RIPOR2: variants seen among roughly 807,000 people sequenced by gnomAD.
RIPOR2 encodes the protein RHO family interacting cell polarization regulator 2, also known as rho family-interacting cell polarization regulator 2.
RIPOR2 carries 39 observed loss-of-function variants against 114.5 expected under a neutral mutation model. That is an observed-to-expected ratio of 0.34 (90% confidence interval 0.26 to 0.44). RIPOR2 has a LOEUF of 0.44. Among genes scored for constraint, RIPOR2 ranks in the 20% least tolerant of loss-of-function variants. The pLI, the probability that RIPOR2 is intolerant of heterozygous loss-of-function variation, is 1.00. For synonymous variants in RIPOR2, 445 were observed against 484.4 expected, an observed-to-expected ratio of 0.92 and a Z score of 1.07; for missense variants, 1,007 against 1,255.1, an observed-to-expected ratio of 0.80 and a Z score of 2.99.
At chr6:24,847,671 T>G in intron 12 of RIPOR2, 2 of 1,551,214 alleles carry the variant, frequency 1.3e-6, no homozygotes, top group South Asian at 2.4e-5. Flanking sequence ...TGGGCTTGTC[T>G]GGGGAAGGAT....
chr6:24,999,558 C>CA (rs1325382853), intron 1 of RIPOR2, among the ~76,000 whole-genome samples: 2 of 137,696 alleles, frequency 1.5e-5, no homozygotes, highest in Non-Finnish European at 3.1e-5. Flanking sequence ...CTGACTCATC[C>CA]TTTTTTTTTT....
chr6:24,932,238 A>G (rs1266822389), intron 1 of RIPOR2, among the ~76,000 whole-genome samples: 2 of 152,148 alleles, frequency 1.3e-5, no homozygotes, highest in Admixed American at 1.3e-4. Context: ...TCATTTCTCC[A>G]GGAAAGATTA....
intron 14 of RIPOR2, among the ~76,000 whole-genome samples, chr6:24,837,802 T>A (rs760952546): frequency 1.3e-5 from 2 of 151,040 alleles, no homozygotes; most frequent in African/African-American, 2.4e-5. Context: ...GTTCTCATGT[T>A]TTTTTTTTTC....
chr6:24,868,295 A>C (rs1485472637), intron 6 of RIPOR2, among the ~76,000 whole-genome samples: 1 of 152,182 alleles, frequency 6.6e-6, no homozygotes, highest in East Asian at 1.9e-4. Context: ...ATGACATAGC[A>C]AGTGAGTAGG....
chr6:24,996,909 AGGC>A (rs1407755898), intron 1 of RIPOR2, among the ~76,000 whole-genome samples: 1 of 152,252 alleles, frequency 6.6e-6, no homozygotes, highest in Non-Finnish European at 1.5e-5. Flanking sequence ...GACAACTCAC[AGGC>A]GGTACAGAAC....
At chr6:25,023,197 C>T (rs1776416324) in intron 1 of RIPOR2, 1 of 627,536 alleles carries the variant, frequency 1.6e-6, no homozygotes, top group African/African-American at 1.8e-5. Context: ...AGCGCCTGTA[C>T]TTGGGGGATC....
chr6:24,935,983 C>T, upstream of RIPOR2: 5 of 1,043,804 alleles, frequency 4.8e-6, no homozygotes, highest in Non-Finnish European at 7.1e-6. Context: ...GATTTCCTTT[C>T]CTTGGGTTGC....
In RIPOR2 at chr6:24,835,884, G is replaced by C; in HGVS notation, c.2040-13C>G. Reference sequence around the variant, plus strand: ...AACCGACCTGTAACTATTGAAGGTGGGCAAAACATTAGCTATTCTTTTTCT... The same window carrying C: ...AACCGACCTGTAACTATTGAAGGTGCGCAAAACATTAGCTATTCTTTTTCT... On this transcript the variant is annotated splice_polypyrimidine_tract_variant and intron_variant, in intron 14 of 21. Coordinates refer to ENST00000643898, the MANE Select transcript of RIPOR2 (RefSeq NM_001286445.3). 6.4e-7 allele frequency: 1 copy of C among 1,550,964 alleles called. No homozygotes were observed. Among genetic ancestry groups the C allele is most frequent in the Non-Finnish European group, 8.7e-7 (1 of 1,146,698 alleles).
intron 1 of RIPOR2, among the ~76,000 whole-genome samples, chr6:25,018,317 A>G (rs1475337012): frequency 6.6e-6 from 1 of 152,240 alleles, no homozygotes; most frequent in African/African-American, 2.4e-5. Flanking sequence ...ACATAAAGAA[A>G]ATGTTTTAAA....
intron 1 of RIPOR2, among the ~76,000 whole-genome samples, chr6:24,877,748 A>G (rs1160589418): frequency 6.6e-6 from 1 of 152,210 alleles, no homozygotes; most frequent in East Asian, 1.9e-4. Context: ...CCACACTTGG[A>G]CAGGGGAGGG....
chr6:24,895,363 T>C (rs932491208), intron 1 of RIPOR2, among the ~76,000 whole-genome samples: 2 of 152,046 alleles, frequency 1.3e-5, no homozygotes, highest in Non-Finnish European at 2.9e-5. Flanking sequence ...GGGAGCTTTT[T>C]AAAAATGTCA....
chr6:24,896,450 A>C (rs1767896331), intron 1 of RIPOR2, among the ~76,000 whole-genome samples: 2 of 152,206 alleles, frequency 1.3e-5, no homozygotes, highest in Non-Finnish European at 2.9e-5. Flanking sequence ...TAGAGGAAAA[A>C]AAACTTCAAA....
intron 1 of RIPOR2, among the ~76,000 whole-genome samples, chr6:25,025,052 C>A (rs765162214): frequency 2.6e-5 from 4 of 152,144 alleles, no homozygotes; most frequent in Non-Finnish European, 5.9e-5. Flanking sequence ...CCCAGTTTAA[C>A]TTCAAATATT....
rs1491374316 is a variant in RIPOR2 at position 25,005,740 on chromosome 6, T to TATATATAC, written c.76+36110_76+36111insGTATATAT. ...ATATATATATATATATATATATATA[T>TATATATAC]ACATTTACCGATCAAAAGATATGCC... On this transcript the variant is annotated intron_variant, in intron 1 of 13. Coordinates refer to the RIPOR2 transcript ENST00000510784. 2.2e-3 allele frequency among the ~76,000 whole-genome samples: 225 copies of TATATATAC among 104,500 alleles called. 15 individuals are homozygous for TATATATAC. Among genetic ancestry groups the TATATATAC allele is most frequent in the East Asian group, 0.01 (27 of 2,606 alleles). 68.6% of individuals were successfully genotyped at this position (104,500 alleles called of 152,430 possible).
intron 1 of RIPOR2, among the ~76,000 whole-genome samples, chr6:24,922,400 G>C (rs1244384343): frequency 6.6e-6 from 1 of 152,184 alleles, no homozygotes; most frequent in East Asian, 1.9e-4. Flanking sequence ...CTTAGCCTTG[G>C]TCAGCGTCAG....
chr6:24,842,781 A>G (rs1761847496), intron 13 of RIPOR2, 81 bp downstream of exon 13: 1 of 775,156 alleles, frequency 1.3e-6, no homozygotes, highest in Non-Finnish European at 1.8e-6. Flanking sequence ...TTTTTTTTAA[A>G]TGATACCTCA....
At chr6:24,938,199 T>C (rs144628841), upstream of RIPOR2, among the ~76,000 whole-genome samples, 439 of 152,170 alleles carry the variant, frequency 2.9e-3, 1 homozygote, top group Non-Finnish European at 5.4e-3. Context: ...AACTTCCTCA[T>C]AAAAAGGAGA....
intron 3 of RIPOR2, 62 bp downstream of exon 3, chr6:24,873,581 AC>A (rs775876590): frequency 2.0e-5 from 29 of 1,449,166 alleles, no homozygotes; most frequent in Non-Finnish European, 2.5e-5. Flanking sequence ...ATCTCATAAG[AC>A]CAGCTTTTCT....
At chr6:24,962,916 G>A (rs1464301591) in intron 1 of RIPOR2, among the ~76,000 whole-genome samples, 1 of 152,200 alleles carries the variant, frequency 6.6e-6, no homozygotes, top group Non-Finnish European at 1.5e-5. Flanking sequence ...CTTTGTTGAT[G>A]GAGGCCAGGC....
Sources: allele counts gnomAD v4.1 joint callset (sites outside exome capture counted in the v4.1 genomes callset), GRCh38; gene constraint gnomAD v4.1.1; transcripts MANE v1.5; gene names NCBI Gene and HGNC (gene_info 2026-07-23, HGNC 2026-07-21).